The following SPRED1 variants were observed in gnomAD, a reference collection of about 807,000 sequenced individuals.
SPRED1 encodes sprouty related EVH1 domain containing 1, also known as sprouty-related, EVH1 domain-containing protein 1.
In SPRED1, 18 loss-of-function variants were observed where a neutral mutation model predicts 52.3. The ratio of observed to expected loss-of-function variants is 0.34; its 90% CI spans 0.24 to 0.51. SPRED1 has a LOEUF of 0.51. SPRED1 is among the 20% of genes least tolerant of loss of function. SPRED1 has a pLI of 0.97. For missense variants in SPRED1, 485 were observed against 551.0 expected, an observed-to-expected ratio of 0.88 and a Z score of 1.20; for synonymous variants, 155 against 179.7, an observed-to-expected ratio of 0.86 and a Z score of 1.10.
intron 4 of SPRED1, 76 bp downstream of exon 4, chr15:38,324,885 T>C (rs1377407070): frequency 2.6e-6 from 3 of 1,166,604 alleles, no homozygotes; most frequent in Non-Finnish European, 2.5e-6. Flanking sequence ...AATAAACTTA[T>C]CAATTACTAA....
chr15:38,303,629 TATC>T (rs1194722351), intron 2 of SPRED1, among the ~76,000 whole-genome samples: 3 of 152,114 alleles, frequency 2.0e-5, no homozygotes, highest in African/African-American at 4.8e-5. Context: ...AGTTTTTAGT[TATC>T]ATGGGGATCT....
chr15:38,322,245 T>G lies in SPRED1; in HGVS notation c.212T>G (p.Val71Gly). ...RGERLRDKMV[V>G]LECMLKKDLI... The stretch of plus-strand genomic sequence containing the variant: ...TTGGTATTTGGCTTTTGTCAGGTGG[T>G]TTTGGAATGTATGCTTAAAAAAGAC... Residue 71 changes from valine to glycine, a missense_variant, in exon 3 of 7, where the codon GTT becomes GGT. Val to Gly is a moderately radical substitution (Grantham distance 109). Around this residue, in one of 5 missense-constraint regions of SPRED1, gnomAD observed 232 missense variants for 231.8 expected, o/e 1.00. Transcript: ENST00000299084. The G allele has an allele frequency of 6.2e-7, 1 of 1,613,720 alleles. No individual in the cohort carries two copies.
chr15:38,302,540 C>A (rs73398410), intron 2 of SPRED1, among the ~76,000 whole-genome samples: 1 of 151,990 alleles, frequency 6.6e-6, no homozygotes, highest in African/African-American at 2.4e-5. Context: ...ATGTTGCTTA[C>A]CTATAAAGCA....
chr15:38,304,723 G>T (rs769031807), intron 2 of SPRED1, among the ~76,000 whole-genome samples: 1 of 151,978 alleles, frequency 6.6e-6, no homozygotes, highest in African/African-American at 2.4e-5. Flanking sequence ...CCTGGATCTC[G>T]TTGTTACCCA....
chr15:38,323,478 C>G (rs55668625), intron 3 of SPRED1, among the ~76,000 whole-genome samples: 1 of 151,838 alleles, frequency 6.6e-6, no homozygotes, highest in Non-Finnish European at 1.5e-5. Context: ...AATGACTAGT[C>G]TGCACTCCAG....
chr15:38,291,061 A>G (rs1894914312), intron 1 of SPRED1, among the ~76,000 whole-genome samples: 1 of 152,182 alleles, frequency 6.6e-6, no homozygotes, highest in African/African-American at 2.4e-5. Context: ...AAAGCAAGCT[A>G]GTTACTTCCT....
chr15:38,343,548 G>T (rs547163395), intron 5 of SPRED1, among the ~76,000 whole-genome samples: 3 of 152,056 alleles, frequency 2.0e-5, no homozygotes, highest in African/African-American at 7.2e-5. Context: ...GATTAATTCG[G>T]CATTGTGGGC....
intron 2 of SPRED1, among the ~76,000 whole-genome samples, chr15:38,307,789 T>G (rs1162269904): frequency 6.6e-6 from 1 of 152,172 alleles, no homozygotes; most frequent in Non-Finnish European, 1.5e-5. Flanking sequence ...TACTTTAACT[T>G]TTGTGGGGAG....
chr15:38,268,222 C>T (rs1428042122), intron 1 of SPRED1: 1 of 152,224 alleles, frequency 6.6e-6, no homozygotes, highest in Non-Finnish European at 1.5e-5. Context: ...ACAGCTCAGC[C>T]TTGAAACCCA....
intron 1 of SPRED1, among the ~76,000 whole-genome samples, chr15:38,288,094 TGTTTTCACCTCTCTATCATTAAGA>T (rs1894845683): frequency 6.6e-6 from 1 of 152,140 alleles, no homozygotes; most frequent in African/African-American, 2.4e-5. Context: ...ACAATATACC[TGTTTTCACCTCTCTATCATTAAGA>T]GTTGCTTCTG....
intron 2 of SPRED1, among the ~76,000 whole-genome samples, chr15:38,300,229 C>T (rs1895125442): frequency 6.6e-6 from 1 of 152,026 alleles, no homozygotes; most frequent in Non-Finnish European, 1.5e-5. Flanking sequence ...TGGAAAGCTC[C>T]TTCACTTTCT....
At chr15:38,276,613 G>A (rs976345363) in intron 1 of SPRED1, among the ~76,000 whole-genome samples, 3 of 152,072 alleles carry the variant, frequency 2.0e-5, no homozygotes, top group Admixed American at 6.6e-5. Context: ...CACCCAAGGC[G>A]TAATAAATAT....
intron 1 of SPRED1, among the ~76,000 whole-genome samples, chr15:38,296,516 G>T (rs759423307): frequency 4.6e-5 from 7 of 152,082 alleles, no homozygotes; most frequent in Admixed American, 1.3e-4. Flanking sequence ...CGTGTGTTTG[G>T]TCATCTTCTT....
At chr15:38,336,769 T>C (rs1233111306) in intron 4 of SPRED1, among the ~76,000 whole-genome samples, 1 of 151,814 alleles carries the variant, frequency 6.6e-6, no homozygotes, top group Non-Finnish European at 1.5e-5. Flanking sequence ...AATGATATGT[T>C]GGACTTTAGG....
intron 1 of SPRED1, among the ~76,000 whole-genome samples, chr15:38,277,391 G>T (rs1415909934): frequency 2.0e-5 from 3 of 152,100 alleles, no homozygotes. Flanking sequence ...TCATTCATTA[G>T]TTAACTTAGG....
At chr15:38,342,806 G>A (rs1250089198) in intron 5 of SPRED1, among the ~76,000 whole-genome samples, 1 of 152,034 alleles carries the variant, frequency 6.6e-6, no homozygotes, top group African/African-American at 2.4e-5. Flanking sequence ...TCTGTGACTT[G>A]ATGTCTTTGA....
chr15:38,286,007 G>T (rs1363761404), intron 1 of SPRED1, among the ~76,000 whole-genome samples: 1 of 152,198 alleles, frequency 6.6e-6, no homozygotes, highest in East Asian at 1.9e-4. Flanking sequence ...ACTTTGGGAG[G>T]CCAAGGAGGG....
rs557220249 is a variant in SPRED1 at position 38,252,952 on chromosome 15, G to A, written c.-234G>A. The A allele has an allele frequency of 5.2e-5, 31 of 594,116 alleles. No homozygotes were observed. The highest frequency in any genetic ancestry group is 9.4e-5 in the African/African-American group (5 of 53,436). 36.8% of individuals were successfully genotyped at this position (594,116 alleles called of 1,614,324 possible). On this transcript the variant is annotated 5_prime_UTR_variant, in exon 1 of 7. Transcript: ENST00000299084. ...CCCTTGGCTGGGCACTGAGGCGGGG[G>A]AAGAGGCTGGGGTCGCCACGGCGGA...
intron 1 of SPRED1, among the ~76,000 whole-genome samples, chr15:38,253,428 G>A (rs1458241180): frequency 6.6e-6 from 1 of 152,128 alleles, no homozygotes; most frequent in East Asian, 1.9e-4. Context: ...TGGGGTAGGG[G>A]ATTAAGTGTT....
Sources: allele counts gnomAD v4.1 joint callset (sites outside exome capture counted in the v4.1 genomes callset), GRCh38; gene constraint gnomAD v4.1.1; regional missense constraint gnomAD v4.1.1; transcripts MANE v1.5; gene names NCBI Gene and HGNC (gene_info 2026-07-23, HGNC 2026-07-21).